The following NLN variants were observed in gnomAD, a reference collection of about 807,000 sequenced individuals.
The protein encoded by NLN is neurolysin, also known as neurolysin, mitochondrial.
A neutral mutation model predicts 79.9 loss-of-function variants in NLN; 64 were observed. The observed-to-expected ratio is 0.80, with a 90% CI of 0.65 to 0.99. NLN has a LOEUF of 0.99. Among genes scored for constraint, NLN ranks in the 50% least tolerant of loss-of-function variants. The pLI, the probability that NLN is intolerant of heterozygous loss-of-function variation, is 0.00. For synonymous variants in NLN, 267 were observed against 296.6 expected (o/e 0.90, Z 1.02); for missense variants, 835 against 858.7 (o/e 0.97, Z 0.34).
In NLN at chr5:65,792,647, T is replaced by C; in HGVS notation, c.1519T>C (p.Cys507Arg). ...HEFGHVMHQI[C>R]AQTDFARFSG... is the part of the protein sequence containing the mutation. ...GTTTGGTCACGTGATGCATCAGATT[T>C]GTGCACAGGTGAGTTTTTTTTTTCC... The change falls in exon 9 of 13, where the codon TGT becomes CGT. Residue 507 changes from cysteine (C) to arginine (R), a missense_variant. Transcript: ENST00000380985. 1 of 1,613,046 alleles carries C rather than the reference T, an allele frequency of 6.2e-7. No homozygotes were observed. Among genetic ancestry groups the C allele is most frequent in the Non-Finnish European group, 8.5e-7 (1 of 1,179,182 alleles).
In NLN at chr5:65,829,113, C is replaced by A. The variant is rs2150783419; in HGVS notation, c.*6198C>A. 1 of 152,248 alleles carries A rather than the reference C, an allele frequency of 6.6e-6. No homozygotes were observed. Among genetic ancestry groups the A allele is most frequent in the South Asian group, 2.1e-4 (1 of 4,820 alleles). The allele number at this position is 152,248 out of a possible 1,614,324, so 9.4% of individuals were successfully genotyped here. ...CCATTCCACTCACTACTGTCTTCAT[C>A]ACACACACAGAGGCAAACGTCTGAT... is the stretch of plus-strand genomic sequence containing the variant. On this transcript the variant is annotated 3_prime_UTR_variant, in exon 13 of 13. Coordinates refer to ENST00000380985, the MANE Select transcript of NLN (RefSeq NM_020726.5).
At chr5:65,729,369 CTT>C (rs34963968) in intron 1 of NLN, among the ~76,000 whole-genome samples, 25,375 of 100,834 alleles carry the variant, frequency 0.25, 2,864 homozygotes, top group South Asian at 0.39. Flanking sequence ...GTTTTCTTTT[CTT>C]TTTTTTTTTT....
In NLN at chr5:65,822,880, G is replaced by A; in HGVS notation, c.2080G>A (p.Ala694Thr). 2 of 1,613,636 alleles carry A rather than the reference G, an allele frequency of 1.2e-6. No individual in the cohort carries two copies. Among genetic ancestry groups the A allele is most frequent in the Non-Finnish European group, 1.7e-6 (2 of 1,179,570 alleles). Residue 694 changes from alanine (A) to threonine (T), a missense_variant, in exon 13 of 13, where the codon GCG becomes ACG. By Grantham distance (58) the Ala-to-Thr change is moderately conservative (BLOSUM62 0). Coordinates refer to ENST00000380985, the MANE Select transcript of NLN (RefSeq NM_020726.5). The part of the protein sequence containing the change: ...NFLKREPNQK[A>T]FLMSRGLHAP The stretch of plus-strand genomic sequence containing the variant: ...CTTGAAACGTGAGCCAAACCAAAAA[G>A]CGTTCCTAATGAGTAGAGGCCTGCA...
chr5:65,816,751 A>C (rs1760680651), intron 12 of NLN, among the ~76,000 whole-genome samples: 1 of 152,192 alleles, frequency 6.6e-6, no homozygotes, highest in South Asian at 2.1e-4. Flanking sequence ...TTTTTATGAT[A>C]TAAAGGAATA....
intron 4 of NLN, chr5:65,779,887 T>TA (rs35518218): frequency 0.037 from 8,651 of 236,854 alleles, 222 homozygotes; most frequent in African/African-American, 0.074. Flanking sequence ...AAGTGAAACT[T>TA]ACTCAATTGA....
At position 65,826,138 on chromosome 5, in the gene NLN, C is replaced by A. The variant is rs563506199; in HGVS notation, c.*3223C>A. The A allele has an allele frequency of 5.3e-5, 8 of 152,242 alleles. No homozygotes were observed. The highest frequency in any genetic ancestry group is 1.9e-4 in the African/African-American group (8 of 41,522). 9.4% of individuals were successfully genotyped at this position (152,242 alleles called of 1,614,324 possible). On this transcript the variant is annotated 3_prime_UTR_variant, in exon 13 of 13. Coordinates refer to ENST00000380985, the MANE Select transcript of NLN (RefSeq NM_020726.5). The stretch of plus-strand genomic sequence containing the variant: ...CCAAAAGTGTCAGGTAGACATGTTA[C>A]AAATAGCTCTGTAGAGAGCCATGGG...
Position 65,754,923 on chromosome 5 carries a change from C to T in NLN, c.42-3644C>T, listed in dbSNP as rs190453092. On this transcript the variant is annotated intron_variant, in intron 1 of 12. Transcript: ENST00000380985. ...CTTCCTTTCTACTCCCGGGATCCAC[C>T]ATCAACCTGCTGACTCCAGTGTTCA... Among the ~76,000 whole-genome samples the T allele has an allele frequency of 1.9e-4, 29 of 152,310 alleles. No individual in the cohort carries two copies. In the East Asian group the frequency reaches 5.2e-3, roughly 27 times the overall value.
intron 2 of NLN, 32 bp downstream of exon 2, chr5:65,758,858 C>G: frequency 6.3e-7 from 1 of 1,576,038 alleles, no homozygotes; most frequent in Middle Eastern, 1.7e-4. Context: ...ATCAGTGTTT[C>G]ACTTTGTGGA....
intron 3 of NLN, among the ~76,000 whole-genome samples, chr5:65,776,245 CTG>C (rs1230033700): frequency 6.6e-6 from 1 of 152,174 alleles, no homozygotes; most frequent in African/African-American, 2.4e-5. Context: ...CAGAGCAAGA[CTG>C]TCTCCAAAAA....
chr5:65,731,216 GA>G (rs1758598805), intron 1 of NLN, among the ~76,000 whole-genome samples: 1 of 152,206 alleles, frequency 6.6e-6, no homozygotes, highest in Non-Finnish European at 1.5e-5. Flanking sequence ...AGGGTTCCAT[GA>G]GAGAGTGGAA....
intron 1 of NLN, among the ~76,000 whole-genome samples, chr5:65,729,005 G>A (rs573550632): frequency 8.5e-5 from 13 of 152,106 alleles, no homozygotes; most frequent in Admixed American, 3.3e-4. Context: ...CACCACACCC[G>A]GCTAATCTTT....
rs567739523 is a variant in NLN at position 65,725,832 on chromosome 5, G to A, written c.41+3418G>A. The stretch of plus-strand genomic sequence containing the variant: ...TTCTGGTAAAAATGGTGTTCCATGG[G>A]CTGGGCACGGTGGCTCACGCCTGTA... On this transcript the variant is annotated intron_variant, in intron 1 of 12. Transcript: ENST00000380985. Among the ~76,000 whole-genome samples, 10 of 152,284 alleles carry A rather than the reference G, an allele frequency of 6.6e-5. No individual in the cohort carries two copies. In the South Asian group the frequency reaches 1.9e-3, roughly 28 times the overall value.
At chr5:65,801,755 G>T (rs1474447490) in intron 9 of NLN, among the ~76,000 whole-genome samples, 1 of 152,130 alleles carries the variant, frequency 6.6e-6, no homozygotes, top group African/African-American at 2.4e-5. Flanking sequence ...TACTCTGCAT[G>T]ACATTAACTG....
At chr5:65,731,348 A>C (rs1333372667) in intron 1 of NLN, among the ~76,000 whole-genome samples, 1 of 152,238 alleles carries the variant, frequency 6.6e-6, no homozygotes, top group African/African-American at 2.4e-5. Context: ...GTAGAACAGC[A>C]AACTCACATT....
chr5:65,780,811 C>T (rs1443873000), intron 5 of NLN, among the ~76,000 whole-genome samples: 1 of 152,114 alleles, frequency 6.6e-6, no homozygotes, highest in Non-Finnish European at 1.5e-5. Flanking sequence ...GTAGCTGGGA[C>T]TACAGGCATG....
intron 2 of NLN, among the ~76,000 whole-genome samples, 186 bp downstream of exon 2, chr5:65,759,012 A>G (rs1301299718): frequency 6.6e-6 from 1 of 152,234 alleles, no homozygotes; most frequent in Non-Finnish European, 1.5e-5. Context: ...GTACACTCTG[A>G]TTACACTGCT....
At chr5:65,748,034 C>G (rs1432998191) in intron 1 of NLN, among the ~76,000 whole-genome samples, 1 of 152,178 alleles carries the variant, frequency 6.6e-6, no homozygotes, top group East Asian at 1.9e-4. Context: ...AACCCCGTCT[C>G]TACTAAAAAT....
At chr5:65,767,476 G>C (rs192730595) in intron 3 of NLN, among the ~76,000 whole-genome samples, 5 of 152,290 alleles carry the variant, frequency 3.3e-5, no homozygotes, top group Admixed American at 1.3e-4. Flanking sequence ...GGGGAAGGAG[G>C]GGGGAGCACA....
chr5:65,817,257 T>C lies in NLN; in HGVS notation c.1980+4866T>C, dbSNP rs560969942. 1.9e-4 allele frequency among the ~76,000 whole-genome samples: 29 copies of C among 152,376 alleles called. No homozygotes were observed. In the South Asian group the frequency reaches 4.4e-3, roughly 23 times the overall value. ...AAATAGACATCACATCGTAACTGTT[T>C]AATTACTTTGTTATATATTACCTAA... On this transcript the variant is annotated intron_variant, in intron 12 of 12. Transcript: ENST00000380985.
Sources: allele counts gnomAD v4.1 joint callset (sites outside exome capture counted in the v4.1 genomes callset), GRCh38; gene constraint gnomAD v4.1.1; transcripts MANE v1.5; gene names NCBI Gene and HGNC (gene_info 2026-07-23, HGNC 2026-07-21).